The following ZDHHC1 variants were observed in gnomAD, a reference collection of about 807,000 sequenced individuals.
ZDHHC1 encodes palmitoyltransferase ZDHHC1.
In ZDHHC1, 45 loss-of-function variants were observed where a neutral mutation model predicts 46.9. The ratio of observed to expected loss-of-function variants is 0.96; its 90% CI spans 0.76 to 1.23. ZDHHC1 has a LOEUF of 1.23. Among genes scored for constraint, ZDHHC1 ranks in the 50% most tolerant of loss-of-function variants. ZDHHC1 has a pLI of 0.00. For missense variants in ZDHHC1, 649 were observed against 670.8 expected (o/e 0.97, Z 0.36); for synonymous variants, 291 against 286.0 (o/e 1.02, Z -0.18).
At chr16:67,399,580 G>A in intron 4 of ZDHHC1, 124 bp from the exon 5 acceptor site, 1 of 736,294 alleles carries the variant, frequency 1.4e-6, no homozygotes, top group Non-Finnish European at 2.1e-6. Flanking sequence ...AGCCCCGAGC[G>A]AGGCGACGAG....
chr16:67,412,167 G>A lies in ZDHHC1; in HGVS notation c.-39+4004C>T, dbSNP rs146952524. Among the ~76,000 whole-genome samples the A allele has an allele frequency of 1.5e-3, 222 of 151,782 alleles. 1 individual carries two copies. Among genetic ancestry groups the A allele is most frequent in the African/African-American group, 5.2e-3 (213 of 41,358 alleles). On this transcript the variant is annotated intron_variant, in intron 1 of 11. Transcript: ENST00000565726. ...TGGATAGATATCTACATTCCTATAC[G>A]CACAGATTTTCTCCAGAATGAAATG...
chr16:67,395,978 C>T (rs1256020581), intron 8 of ZDHHC1: 1 of 193,314 alleles, frequency 5.2e-6, no homozygotes. Flanking sequence ...CCACCAGCTC[C>T]CGCAGAGCTG....
Position 67,401,353 on chromosome 16 carries a change from T to A in ZDHHC1, c.253-221A>T, listed in dbSNP as rs947321060. On this transcript the variant is annotated intron_variant, in intron 3 of 11. Transcript: ENST00000565726. The surrounding 1 kb of genome is among the most constrained non-coding windows in gnomAD (Gnocchi z 4.6). ...AGGGAGAGGCCATCTAGGAAAGGAG[T>A]CCACAGCCAGCCAGCAGTGCCTGCT... Among the ~76,000 whole-genome samples, 3 of 151,884 alleles carry A rather than the reference T, an allele frequency of 2.0e-5. No homozygotes were observed. Among genetic ancestry groups the A allele is most frequent in the African/African-American group, 7.3e-5 (3 of 41,324 alleles).
intron 1 of ZDHHC1, among the ~76,000 whole-genome samples, chr16:67,410,204 G>T (rs1434574969): frequency 6.6e-6 from 1 of 152,204 alleles, no homozygotes; most frequent in East Asian, 1.9e-4. Flanking sequence ...GGGGAGGAGG[G>T]CATGGGGGAA....
intron 10 of ZDHHC1, 61 bp from the exon 11 acceptor site, chr16:67,395,123 C>G: frequency 1.2e-6 from 2 of 1,613,198 alleles, no homozygotes; most frequent in African/African-American, 2.7e-5. Flanking sequence ...AGGCGAGCGC[C>G]AGGGTAGAGG....
intron 8 of ZDHHC1, 123 bp from the exon 9 acceptor site, chr16:67,395,689 G>T (rs1194875775): frequency 3.1e-6 from 3 of 966,170 alleles, no homozygotes; most frequent in Non-Finnish European, 4.7e-6. Context: ...CTCATGCCAG[G>T]CTCCCAGCCA....
At chr16:67,409,303 CCT>C (rs928196717) in intron 1 of ZDHHC1, among the ~76,000 whole-genome samples, 14 of 151,288 alleles carry the variant, frequency 9.3e-5, no homozygotes, top group Admixed American at 3.9e-4. Flanking sequence ...CAGGATACCC[CCT>C]GATACTCCAA....
chr16:67,410,383 A>G (rs896570010), intron 1 of ZDHHC1, among the ~76,000 whole-genome samples: 1 of 152,148 alleles, frequency 6.6e-6, no homozygotes, highest in Non-Finnish European at 1.5e-5. Context: ...TTCTTCATGT[A>G]CCTTCTACTG....
chr16:67,394,855 C>T lies in ZDHHC1; in HGVS notation c.1204G>A (p.Asp402Asn). 1 of 1,563,110 alleles carries T rather than the reference C, an allele frequency of 6.4e-7. No individual in the cohort carries two copies. Residue 402 changes from aspartate to asparagine, a missense_variant, in exon 12 of 12, where the codon GAT (aspartate) becomes AAT (asparagine). Physicochemically the swap from Asp to Asn is conservative, Grantham distance 23. Transcript: ENST00000565726. Reference sequence around the variant, plus strand: ...TGCACAGGGCTGGCGTCCGCGGAATCCGTCGACGAGCTGGAGCGGCGGCTG... The same window carrying T: ...TGCACAGGGCTGGCGTCCGCGGAATTCGTCGACGAGCTGGAGCGGCGGCTG... Reference protein sequence around the residue: ...APSRRSSSSTDSADASPVHAA... With the variant: ...APSRRSSSSTNSADASPVHAA...
At chr16:67,402,752 G>A (rs1170791978) in intron 3 of ZDHHC1, among the ~76,000 whole-genome samples, 7 of 151,714 alleles carry the variant, frequency 4.6e-5, no homozygotes, top group Non-Finnish European at 8.8e-5. Flanking sequence ...TCAGCCTCCC[G>A]AGTAGCTGGG....
chr16:67,403,998 G>A (rs777468233), intron 3 of ZDHHC1, among the ~76,000 whole-genome samples: 5 of 152,296 alleles, frequency 3.3e-5, no homozygotes, highest in African/African-American at 1.2e-4. Flanking sequence ...TTTTTGGAAA[G>A]AGCAGGAATG....
In ZDHHC1 at chr16:67,407,803, C is replaced by T. The variant is rs149079011; in HGVS notation, c.-28G>A. 13 of 780,712 alleles carry T rather than the reference C, an allele frequency of 1.7e-5. No homozygotes were observed. Among genetic ancestry groups the T allele is most frequent in the Non-Finnish European group, 2.6e-5 (11 of 417,946 alleles). 48.4% of individuals were successfully genotyped at this position (780,712 alleles called of 1,614,324 possible). A position where few individuals can be genotyped will look rare whatever the true frequency, so the allele number is the denominator to read the frequency against. On this transcript the variant is annotated 5_prime_UTR_variant, in exon 2 of 12. Coordinates refer to ENST00000565726, the MANE Select transcript of ZDHHC1 (RefSeq NM_001323627.2). ...TAGATCCTCAGTAAATGTTTGCTGA[C>T]TTGAAAACAGCTGAAATAAAAGGAA...
intron 7 of ZDHHC1, 95 bp from the exon 8 acceptor site, chr16:67,398,419 T>A: frequency 1.3e-6 from 2 of 1,521,484 alleles, no homozygotes; most frequent in Non-Finnish European, 1.8e-6. Flanking sequence ...GAAACCAGTG[T>A]CCCCAAATAC....
At position 67,395,066 on chromosome 16, in the gene ZDHHC1, C is replaced by T; in HGVS notation, c.1105-4G>A. 1 of 1,613,326 alleles carries T rather than the reference C, an allele frequency of 6.2e-7. No individual in the cohort carries two copies. The highest frequency in any genetic ancestry group is 8.5e-7 in the Non-Finnish European group (1 of 1,179,934). ...ACACGCGCCTCTTCCTCTTTTTCTG[C>T]AGAGACACGGGGGAGCCTGAGGGCC... is the stretch of plus-strand genomic sequence containing the variant. On this transcript the variant is annotated splice_region_variant and splice_polypyrimidine_tract_variant and intron_variant, in intron 10 of 11. Coordinates refer to ENST00000565726, the MANE Select transcript of ZDHHC1 (RefSeq NM_001323627.2).
chr16:67,413,161 C>T (rs1364209815), intron 1 of ZDHHC1, among the ~76,000 whole-genome samples: 1 of 151,958 alleles, frequency 6.6e-6, no homozygotes, highest in African/African-American at 2.4e-5. Context: ...TTCACTGTAA[C>T]CTCAAACTCA....
intron 1 of ZDHHC1, among the ~76,000 whole-genome samples, chr16:67,413,390 A>G (rs1428701587): frequency 6.6e-6 from 1 of 152,332 alleles, no homozygotes; most frequent in South Asian, 2.1e-4. Context: ...CACGGTACAC[A>G]GATTTTTACA....
Position 67,394,799 on chromosome 16 carries a change from C to CTGGAG in ZDHHC1, c.1259_1260insCTCCA (p.Ala421SerfsTer46). The CTGGAG allele has an allele frequency of 6.5e-7, 1 of 1,527,460 alleles. No individual in the cohort carries two copies. The highest frequency in any genetic ancestry group is 2.0e-5 in the Admixed American group (1 of 49,568). The allele number at this position is 1,527,460 out of a possible 1,614,324, so 94.6% of individuals were successfully genotyped here. On this transcript the variant is annotated frameshift_variant, in exon 12 of 12. Transcript: ENST00000565726. LOFTEE classifies it low-confidence loss of function (END_TRUNC). ...TCTCGTCCACGGACTCTGCCGACGC[C>CTGGAG]GAGTGGTAGGCGCCGGCAGGGCCAG...
At chr16:67,409,615 GAGAATCCA>G (rs2142258590) in intron 1 of ZDHHC1, among the ~76,000 whole-genome samples, 1 of 152,370 alleles carries the variant, frequency 6.6e-6, no homozygotes, top group South Asian at 2.1e-4. Flanking sequence ...GGAGGTCGGA[GAGAATCCA>G]AGATGGGGCT....
rs2040504516 is a variant in ZDHHC1, at chr16:67,399,469, G to C, written c.429-13C>G. The C allele has an allele frequency of 1.2e-6, 2 of 1,601,870 alleles. No individual in the cohort carries two copies. The highest frequency in any genetic ancestry group is 1.7e-6 in the Non-Finnish European group (2 of 1,171,946). On this transcript the variant is annotated splice_polypyrimidine_tract_variant and intron_variant, in intron 4 of 11. Transcript: ENST00000565726. ...GGAGCGAGCGCTCCTGCAGGGAGAG[G>C]GGGCACAGCGCGATTGGCCGGCTCA...
Sources: gnomAD v4.1 joint callset for allele counts (sites outside exome capture counted in the v4.1 genomes callset) on GRCh38, gnomAD v4.1.1 for gene constraint, Gnocchi (gnomAD v3.1) non-coding constraint, MANE v1.5 for transcripts, NCBI Gene and HGNC (gene_info 2026-07-23, HGNC 2026-07-21) for gene names.